Variants in EYA1 observed in about 807,000 individuals in gnomAD.
EYA1 encodes the protein EYA transcriptional coactivator and phosphatase 1, also known as protein phosphatase EYA1.
Under a neutral mutation model 82.0 loss-of-function variants are expected in EYA1, and 16 were observed. The ratio of observed to expected loss-of-function variants is 0.20; its 90% CI spans 0.13 to 0.30. The LOEUF is 0.30. EYA1 is among the 10% of genes least tolerant of loss of function. The probability of loss-of-function intolerance (pLI) is 1.00; values close to 1 mark genes in which losing one functional copy is unlikely to be tolerated. For missense variants in EYA1, 633 were observed against 730.7 expected (o/e 0.87, Z 1.54); for synonymous variants, 261 against 264.4 (o/e 0.99, Z 0.12).
At chr8:71,272,503 G>C (rs1441802456) in intron 9 of EYA1, among the ~76,000 whole-genome samples, 2 of 152,118 alleles carry the variant, frequency 1.3e-5, no homozygotes, top group East Asian at 3.9e-4. Context: ...CTCTTCCTCG[G>C]TCCTAGTCCC....
chr8:71,494,022 C>CAAAAAAAAAGAAAAAAA (rs1811222360), intron 2 of EYA1, among the ~76,000 whole-genome samples: 1 of 41,858 alleles, frequency 2.4e-5, no homozygotes, highest in African/African-American at 6.7e-5. Context: ...GACTCCGTCT[C>CAAAAAAAAAGAAAAAAA]AAAAAAAAAA....
rs568845724 is a variant in EYA1 at position 71,381,659 on chromosome 8, C to G, written c.34-25148G>C. ...ATGAGCCAAAAAGTAAATAGCTCTA[C>G]AGTTGTGAGTACCAATCATGCAGAC... On this transcript the variant is annotated intron_variant, in intron 2 of 18. Coordinates refer to the EYA1 transcript ENST00000643681. Among the ~76,000 whole-genome samples, 377 of 152,332 alleles carry G rather than the reference C, an allele frequency of 2.5e-3. 1 individual carries two copies. Among genetic ancestry groups the G allele is most frequent in the African/African-American group, 8.8e-3 (366 of 41,576 alleles).
intron 2 of EYA1, among the ~76,000 whole-genome samples, chr8:71,422,124 G>T (rs1831179628): frequency 6.6e-6 from 1 of 152,058 alleles, no homozygotes; most frequent in Admixed American, 6.5e-5. Context: ...ACTCTCTTTT[G>T]TAATAAACAT....
Position 71,215,628 on chromosome 8 carries a change from C to A in EYA1, c.1461G>T (p.Ser487=). The A allele has an allele frequency of 6.2e-7, 1 of 1,614,002 alleles. No homozygotes were observed. The highest frequency in any genetic ancestry group is 8.5e-7 in the Non-Finnish European group (1 of 1,179,888). ...SWLTLALKAL[S]LIHSRTNCVN... is the part of the protein sequence containing the mutation. ...GAGAGCCTCACCGGGAGTGAATGAG[C>A]GAGAGTGCTTTCAGGGCCAGTGTCA... The change falls in exon 15 of 18, where the codon TCG becomes TCT. Residue 487 remains serine (S), a synonymous_variant. Transcript: ENST00000340726.
chr8:71,361,427 A>C (rs1442696281), intron 1 of EYA1, among the ~76,000 whole-genome samples: 1 of 152,242 alleles, frequency 6.6e-6, no homozygotes, highest in Non-Finnish European at 1.5e-5. Context: ...AATGATCCTG[A>C]TCGCTCATAA....
At chr8:71,349,020 T>A (rs774972412) in intron 3 of EYA1, among the ~76,000 whole-genome samples, 10 of 152,230 alleles carry the variant, frequency 6.6e-5, no homozygotes, top group Non-Finnish European at 1.3e-4. Flanking sequence ...ATAACCATTA[T>A]AATGAAAAGC....
chr8:71,422,446 T>G (rs1168786059), intron 2 of EYA1, among the ~76,000 whole-genome samples: 1 of 152,200 alleles, frequency 6.6e-6, no homozygotes, highest in Non-Finnish European at 1.5e-5. Context: ...GAAAGTGCAA[T>G]GCCCTCGGCA....
chr8:71,325,101 G>T (rs1416094280), intron 4 of EYA1, among the ~76,000 whole-genome samples: 1 of 152,168 alleles, frequency 6.6e-6, no homozygotes, highest in East Asian at 1.9e-4. Context: ...CCTTGGCACA[G>T]AATACAAAGA....
intron 2 of EYA1, among the ~76,000 whole-genome samples, chr8:71,468,735 C>T (rs865849009): frequency 4.6e-5 from 7 of 152,028 alleles, no homozygotes; most frequent in Middle Eastern, 3.2e-3. Flanking sequence ...CCAGTAATTC[C>T]GGGTTCACCA....
At chr8:71,412,113 G>T (rs1270891124) in intron 2 of EYA1, among the ~76,000 whole-genome samples, 4 of 145,414 alleles carry the variant, frequency 2.8e-5, no homozygotes, top group Admixed American at 7.0e-5. Context: ...ATCATTCTCA[G>T]TAAACTATCA....
chr8:71,237,057 T>C (rs1811925379), intron 12 of EYA1, among the ~76,000 whole-genome samples: 1 of 151,984 alleles, frequency 6.6e-6, no homozygotes, highest in African/African-American at 2.4e-5. Context: ...ACATTTCTTT[T>C]CTTTTTTTTT....
chr8:71,281,055 T>C (rs1817761422), intron 9 of EYA1, among the ~76,000 whole-genome samples: 1 of 152,162 alleles, frequency 6.6e-6, no homozygotes, highest in Non-Finnish European at 1.5e-5. Context: ...CCATGCCCAG[T>C]GAAAAACTCC....
At position 71,230,994 on chromosome 8, in the gene EYA1, C is replaced by T. The variant is rs573451095; in HGVS notation, c.1140+13609G>A. 3.3e-5 allele frequency among the ~76,000 whole-genome samples: 5 copies of T among 152,320 alleles called. No individual in the cohort carries two copies. In the South Asian group the frequency reaches 6.2e-4, roughly 19 times the overall value. ...ACTCCACTTGTGTGTCCAACACACA[C>T]TTCAGGTTCAATATCTCAAATCTGA... On this transcript the variant is annotated intron_variant, in intron 12 of 17. Transcript: ENST00000340726.
chr8:71,385,050 C>T (rs1485021247), intron 2 of EYA1, among the ~76,000 whole-genome samples: 1 of 151,840 alleles, frequency 6.6e-6, no homozygotes, highest in African/African-American at 2.4e-5. Flanking sequence ...CACTCTGTCA[C>T]CCAGGCTGGA....
chr8:71,241,802 T>C (rs1366686027), intron 12 of EYA1, among the ~76,000 whole-genome samples: 2 of 147,914 alleles, frequency 1.4e-5, no homozygotes, highest in East Asian at 1.9e-4. Context: ...AGGAGCATTA[T>C]GCCAATAGAC....
intron 2 of EYA1, among the ~76,000 whole-genome samples, chr8:71,507,641 G>A (rs1211853727): frequency 2.0e-5 from 3 of 152,194 alleles, no homozygotes; most frequent in African/African-American, 7.2e-5. Context: ...CCATCATAAT[G>A]TCACAGCCAT....
At chr8:71,422,780 C>T (rs1831213168) in intron 2 of EYA1, among the ~76,000 whole-genome samples, 1 of 152,070 alleles carries the variant, frequency 6.6e-6, no homozygotes, top group South Asian at 2.1e-4. Flanking sequence ...ATGAGAACCC[C>T]ATCACTATCA....
chr8:71,291,351 T>G (rs1035601948), intron 9 of EYA1, among the ~76,000 whole-genome samples: 1 of 152,198 alleles, frequency 6.6e-6, no homozygotes, highest in Non-Finnish European at 1.5e-5. Flanking sequence ...AGGGAACAAA[T>G]GGTTTCCCAT....
At chr8:71,427,402 T>G (rs1460628361) in intron 2 of EYA1, among the ~76,000 whole-genome samples, 3 of 152,138 alleles carry the variant, frequency 2.0e-5, no homozygotes, top group Non-Finnish European at 4.4e-5. Context: ...CAAGAGAGAA[T>G]AAATGTCCCA....
Sources: gnomAD v4.1 joint callset for allele counts (sites outside exome capture counted in the v4.1 genomes callset) on GRCh38, gnomAD v4.1.1 for gene constraint, MANE v1.5 for transcripts, NCBI Gene and HGNC (gene_info 2026-07-23, HGNC 2026-07-21) for gene names.